PTPRN2: variants seen among roughly 807,000 people sequenced by gnomAD.
PTPRN2 encodes protein tyrosine phosphatase receptor type N2.
PTPRN2 carries 74 observed loss-of-function variants against 118.8 expected under a neutral mutation model. The ratio of observed to expected loss-of-function variants is 0.62; its 90% CI spans 0.52 to 0.76. The LOEUF is 0.76. PTPRN2 is among the 30% of genes least tolerant of loss of function. PTPRN2 has a pLI of 0.00. For missense variants in PTPRN2, 1,481 were observed against 1,394.4 expected (o/e 1.06, Z -0.99); for synonymous variants, 641 against 608.0 (o/e 1.05, Z -0.80).
At chr7:157,580,102 T>C (rs569584268) in intron 17 of PTPRN2, among the ~76,000 whole-genome samples, 1 of 152,352 alleles carries the variant, frequency 6.6e-6, no homozygotes, top group African/African-American at 2.4e-5. Context: ...CACTATTTTC[T>C]TTCTCATTGA....
chr7:158,053,249 C>G (rs1031404272), intron 11 of PTPRN2, among the ~76,000 whole-genome samples: 1 of 152,136 alleles, frequency 6.6e-6, no homozygotes, highest in Non-Finnish European at 1.5e-5. Flanking sequence ...CTAAAAGGCG[C>G]TTTAAAAATG....
chr7:157,603,190 C>T lies in PTPRN2; in HGVS notation c.2418+812G>A, dbSNP rs1005784594. Among the ~76,000 whole-genome samples, 9 of 152,058 alleles carry T rather than the reference C, an allele frequency of 5.9e-5. No homozygotes were observed. The highest frequency in any genetic ancestry group is 1.0e-4 in the Non-Finnish European group (7 of 67,996). ...TCACTGCTCATCTGAACACCCAGTCCGAGTGTCCCCAGCCTGTGGCTTCAG... is the reference window on the plus strand; with the variant it reads ...TCACTGCTCATCTGAACACCCAGTCTGAGTGTCCCCAGCCTGTGGCTTCAG... On this transcript the variant is annotated intron_variant, in intron 16 of 22. Transcript: ENST00000389418. This position sits in a 1 kb window ranked among gnomAD's most constrained non-coding sequence, Gnocchi z 5.4.
At chr7:158,018,972 A>AC (rs1806655548) in intron 11 of PTPRN2, among the ~76,000 whole-genome samples, 2 of 130,032 alleles carry the variant, frequency 1.5e-5, no homozygotes, top group Non-Finnish European at 3.4e-5. Flanking sequence ...AAAACAAAAA[A>AC]AAAAAAAAAA....
chr7:158,342,770 A>G (rs954530738), intron 2 of PTPRN2, among the ~76,000 whole-genome samples: 13 of 152,148 alleles, frequency 8.5e-5, no homozygotes, highest in African/African-American at 2.9e-4. Context: ...CAGCGGCAGG[A>G]AAGTCTGACT....
At chr7:158,500,858 C>T (rs1485371849) in intron 1 of PTPRN2, among the ~76,000 whole-genome samples, 1 of 152,262 alleles carries the variant, frequency 6.6e-6, no homozygotes, top group African/African-American at 2.4e-5. Flanking sequence ...GCGTCCGGAG[C>T]AGGCCAGAGA....
In PTPRN2 at chr7:158,526,185, T is replaced by G. The variant is rs1325342459; in HGVS notation, c.113-36400A>C. ...CAGGCAGACACACGGCTCCTGGTGTTGGCAGGGTGCCGGCGGAATCCAGGG... is the reference window on the plus strand; with the variant it reads ...CAGGCAGACACACGGCTCCTGGTGTGGGCAGGGTGCCGGCGGAATCCAGGG... On this transcript the variant is annotated intron_variant, in intron 1 of 22. Coordinates refer to ENST00000389418, the MANE Select transcript of PTPRN2 (RefSeq NM_002847.5). The surrounding 1 kb of genome is among the most constrained non-coding windows in gnomAD (Gnocchi z 5.2). 1.3e-5 allele frequency among the ~76,000 whole-genome samples: 2 copies of G among 152,174 alleles called. No homozygotes were observed. Among genetic ancestry groups the G allele is most frequent in the African/African-American group, 4.8e-5 (2 of 41,450 alleles).
In PTPRN2 at chr7:157,591,073, T is replaced by G. The variant is rs975570205; in HGVS notation, c.2496+4165A>C. On this transcript the variant is annotated intron_variant, in intron 17 of 22. Transcript: ENST00000389418. The surrounding 1 kb of genome is among the most constrained non-coding windows in gnomAD (Gnocchi z 4.4). ...AGGTCACACAGGCTAGGATGAGCTC[T>G]CAGTCCAATGACTGACATCCTTAGA... 6.6e-6 allele frequency among the ~76,000 whole-genome samples: 1 copy of G among 152,166 alleles called. No homozygotes were observed. Among genetic ancestry groups the G allele is most frequent in the Non-Finnish European group, 1.5e-5 (1 of 68,022 alleles).
chr7:158,262,401 C>A (rs1797486527), intron 3 of PTPRN2, among the ~76,000 whole-genome samples: 1 of 145,646 alleles, frequency 6.9e-6, no homozygotes, highest in African/African-American at 2.5e-5. Flanking sequence ...ACACACTGCA[C>A]ACACACATAC....
Position 157,596,232 on chromosome 7 carries a change from GT to G in PTPRN2, c.2419-918del, listed in dbSNP as rs1301138077. Among the ~76,000 whole-genome samples, 1 of 152,212 alleles carries G rather than the reference GT, an allele frequency of 6.6e-6. No homozygotes were observed. Among genetic ancestry groups the G allele is most frequent in the Non-Finnish European group, 1.5e-5 (1 of 68,036 alleles). On this transcript the variant is annotated intron_variant, in intron 16 of 22. Transcript: ENST00000389418. The surrounding 1 kb of genome is among the most constrained non-coding windows in gnomAD (Gnocchi z 4.2). Reference sequence around the variant, plus strand: ...GTTAACTCGTTGTGTGTGGGGGCTTGTTTTTGTGTATCCTGGAAAGGGGGCA... The same window carrying G: ...GTTAACTCGTTGTGTGTGGGGGCTTGTTTTGTGTATCCTGGAAAGGGGGCA...
chr7:157,958,222 C>T (rs948104229), intron 11 of PTPRN2, among the ~76,000 whole-genome samples: 6 of 152,088 alleles, frequency 3.9e-5, no homozygotes, highest in South Asian at 2.1e-4. Context: ...AAACGCTCAA[C>T]AAACTAGGAG....
intron 19 of PTPRN2, 90 bp downstream of exon 19, chr7:157,576,523 C>T (rs1585052893): frequency 3.8e-6 from 5 of 1,323,098 alleles, no homozygotes; most frequent in East Asian, 2.7e-5. Flanking sequence ...CGGCCCTCGG[C>T]GCCAGGGGCG....
chr7:157,719,633 A>C (rs974785229), intron 12 of PTPRN2, among the ~76,000 whole-genome samples: 50 of 152,284 alleles, frequency 3.3e-4, no homozygotes, highest in Admixed American at 2.3e-3. Context: ...GCGCCCCCGG[A>C]GAGCAGGGCC....
intron 3 of PTPRN2, among the ~76,000 whole-genome samples, chr7:158,265,725 G>T (rs1797827771): frequency 6.6e-6 from 1 of 152,218 alleles, no homozygotes; most frequent in Non-Finnish European, 1.5e-5. Flanking sequence ...CATTTGATGA[G>T]TACAGCTGGA....
intron 2 of PTPRN2, among the ~76,000 whole-genome samples, chr7:158,416,335 G>A (rs1396027213): frequency 6.6e-6 from 1 of 152,186 alleles, no homozygotes; most frequent in Non-Finnish European, 1.5e-5. Flanking sequence ...GTTTAGATAT[G>A]CACCCCCAGC....
chr7:158,430,847 G>A (rs1360599671), intron 2 of PTPRN2, among the ~76,000 whole-genome samples: 1 of 152,208 alleles, frequency 6.6e-6, no homozygotes, highest in African/African-American at 2.4e-5. Flanking sequence ...GAGGAAGGGG[G>A]AAGAGCCCCC....
intron 14 of PTPRN2, among the ~76,000 whole-genome samples, chr7:157,628,059 T>A (rs1034100755): frequency 6.6e-6 from 1 of 152,148 alleles, no homozygotes; most frequent in Non-Finnish European, 1.5e-5. Flanking sequence ...CCATTTAGGG[T>A]TGGAGCATTA....
At chr7:157,675,760 C>T (rs1340139243) in intron 13 of PTPRN2, among the ~76,000 whole-genome samples, 4 of 152,164 alleles carry the variant, frequency 2.6e-5, no homozygotes, top group East Asian at 3.9e-4. Flanking sequence ...ACGTGGCACC[C>T]GCACCCACAG....
intron 3 of PTPRN2, among the ~76,000 whole-genome samples, chr7:158,283,554 G>GTGAC (rs1799573728): frequency 6.6e-6 from 1 of 152,036 alleles, no homozygotes; most frequent in African/African-American, 2.4e-5. Flanking sequence ...TGGCATGCAG[G>GTGAC]TGACAAGGAC....
intron 1 of PTPRN2, among the ~76,000 whole-genome samples, chr7:158,540,539 G>C (rs989499482): frequency 6.6e-6 from 1 of 151,596 alleles, no homozygotes; most frequent in Non-Finnish European, 1.5e-5. Context: ...CATGGCCAAG[G>C]GGGGGTTTCT....
Sources: gnomAD v4.1 joint callset for allele counts (sites outside exome capture counted in the v4.1 genomes callset) on GRCh38, gnomAD v4.1.1 for gene constraint, Gnocchi (gnomAD v3.1) non-coding constraint, MANE v1.5 for transcripts, NCBI Gene and HGNC (gene_info 2026-07-23, HGNC 2026-07-21) for gene names.